RASGRP3: variants seen among roughly 807,000 people sequenced by gnomAD.
RASGRP3 encodes the protein RAS guanyl releasing protein 3.
In RASGRP3, 54 loss-of-function variants were observed where a neutral mutation model predicts 82.7. The ratio of observed to expected loss-of-function variants is 0.65; its 90% confidence interval spans 0.52 to 0.82. The LOEUF (loss-of-function observed/expected upper bound fraction) is 0.82, where lower values mean the gene tolerates loss of function less well. Ranked by LOEUF, RASGRP3 falls within the 40% of genes least tolerant of loss-of-function variation. The pLI, the probability that RASGRP3 is intolerant of heterozygous loss-of-function variation, is 0.00. For missense variants in RASGRP3, 861 were observed against 828.9 expected (o/e 1.04, Z -0.48); for synonymous variants, 309 against 300.5 (o/e 1.03, Z -0.29).
intron 1 of RASGRP3, among the ~76,000 whole-genome samples, chr2:33,502,024 T>C (rs1344585394): frequency 6.6e-6 from 1 of 152,036 alleles, no homozygotes; most frequent in Admixed American, 6.6e-5. Flanking sequence ...CAGAGCTTGA[T>C]TTGGGTGGTC....
intron 14 of RASGRP3, among the ~76,000 whole-genome samples, chr2:33,553,744 TTTATTATTATTATTTTTTC>T (rs1675603234): frequency 6.6e-6 from 1 of 152,140 alleles, no homozygotes; most frequent in Non-Finnish European, 1.5e-5. Flanking sequence ...ATTTTATTTA[TTTATTATTATTATTTTTTC>T]TTTGAGATAG....
At chr2:33,450,405 C>T (rs147867832) in intron 2 of RASGRP3, among the ~76,000 whole-genome samples, 1 of 151,684 alleles carries the variant, frequency 6.6e-6, no homozygotes, top group African/African-American at 2.4e-5. Context: ...CAGCCCCTTG[C>T]AATCCTCATT....
At chr2:33,441,876 C>G (rs1301954724) in intron 1 of RASGRP3, among the ~76,000 whole-genome samples, 2 of 152,130 alleles carry the variant, frequency 1.3e-5, no homozygotes, top group African/African-American at 4.8e-5. Flanking sequence ...AAAGACTATT[C>G]ATAACAGATA....
intron 1 of RASGRP3, among the ~76,000 whole-genome samples, chr2:33,502,028 G>A (rs921692621): frequency 6.6e-6 from 1 of 152,186 alleles, no homozygotes; most frequent in East Asian, 1.9e-4. Context: ...GCTTGATTTG[G>A]GTGGTCTGAA....
intron 2 of RASGRP3, among the ~76,000 whole-genome samples, chr2:33,512,302 C>A (rs533371692): frequency 5.9e-5 from 9 of 152,198 alleles, no homozygotes; most frequent in African/African-American, 1.4e-4. Flanking sequence ...CTTCCCCAGA[C>A]AGCTCAGCTG....
chr2:33,503,654 TCC>T (rs36046883), intron 1 of RASGRP3, among the ~76,000 whole-genome samples: 1 of 152,054 alleles, frequency 6.6e-6, no homozygotes, highest in Admixed American at 6.6e-5. Flanking sequence ...TAGCTCCAAA[TCC>T]CTGATTTCAG....
intron 4 of RASGRP3, among the ~76,000 whole-genome samples, chr2:33,518,641 T>C (rs1671684921): frequency 6.6e-6 from 1 of 152,230 alleles, no homozygotes; most frequent in Admixed American, 6.5e-5. Context: ...AAAACACAAA[T>C]ATATTGCACT....
chr2:33,517,185 A>G (rs559526106), intron 4 of RASGRP3, among the ~76,000 whole-genome samples: 2 of 152,344 alleles, frequency 1.3e-5, no homozygotes, highest in East Asian at 1.9e-4. Context: ...AATGAAAACA[A>G]AAAAATCCCA....
intron 13 of RASGRP3, among the ~76,000 whole-genome samples, chr2:33,544,987 A>G (rs1241693312): frequency 6.6e-6 from 1 of 152,202 alleles, no homozygotes; most frequent in African/African-American, 2.4e-5. Context: ...TAGAAACATT[A>G]ACTTCCTTTA....
At chr2:33,440,824 A>G (rs1665184304) in intron 1 of RASGRP3, among the ~76,000 whole-genome samples, 1 of 152,292 alleles carries the variant, frequency 6.6e-6, no homozygotes. Flanking sequence ...TATTTTACAA[A>G]AATCCCGAAT....
At chr2:33,493,743 G>C (rs1284958861) in intron 1 of RASGRP3, among the ~76,000 whole-genome samples, 1 of 151,064 alleles carries the variant, frequency 6.6e-6, no homozygotes. Context: ...TTTAGACCAA[G>C]TTCCTGAATG....
chr2:33,527,167 T>C lies in RASGRP3; in HGVS notation c.838T>C (p.Ser280Pro). The change falls in exon 10 of 18, where the codon TCC (serine) becomes CCC (proline). Residue 280 changes from serine to proline, a missense_variant. Ser to Pro is a moderately conservative substitution (Grantham distance 74). Transcript: ENST00000403687. Reference sequence around the variant, plus strand: ...GAATGAAATGACAGAGTTGGTCTCCTCCAACGGCAATTACTGCAATTACCG... The same window carrying C: ...GAATGAAATGACAGAGTTGGTCTCCCCCAACGGCAATTACTGCAATTACCG... The part of the protein sequence containing the change: ...NWNEMTELVS[S>P]NGNYCNYRKA... 1 of 1,614,054 alleles carries C rather than the reference T, an allele frequency of 6.2e-7. No individual in the cohort carries two copies. Among genetic ancestry groups the C allele is most frequent in the Non-Finnish European group, 8.5e-7 (1 of 1,179,886 alleles).
At chr2:33,553,928 G>A (rs957223517) in intron 14 of RASGRP3, among the ~76,000 whole-genome samples, 3 of 152,016 alleles carry the variant, frequency 2.0e-5, no homozygotes, top group Admixed American at 6.6e-5. Context: ...TAGTAGTGAC[G>A]GGGTTTCACC....
Position 33,563,386 on chromosome 2 carries a change from A to T in RASGRP3, c.*649A>T, listed in dbSNP as rs1676904288. 6.6e-6 allele frequency: 1 copy of T among 152,338 alleles called. No individual in the cohort carries two copies. The highest frequency in any genetic ancestry group is 1.5e-5 in the Non-Finnish European group (1 of 68,218). The allele number at this position is 152,338 out of a possible 1,614,324, so 9.4% of individuals were successfully genotyped here. A position where few individuals can be genotyped will look rare whatever the true frequency, so the allele number is the denominator to read the frequency against. On this transcript the variant is annotated 3_prime_UTR_variant, in exon 18 of 18. Transcript: ENST00000403687. ...CACTACACAGTTGCTATGATATGTA[A>T]CAAGTCACACATGTATATATCACAC...
At chr2:33,548,916 T>TG (rs1675104654) in intron 13 of RASGRP3, among the ~76,000 whole-genome samples, 2 of 152,138 alleles carry the variant, frequency 1.3e-5, no homozygotes, top group South Asian at 4.1e-4. Context: ...CTTGAACTCC[T>TG]GACCTCAAGT....
rs755098762 is a variant in RASGRP3 at position 33,558,202 on chromosome 2, AT to A, written c.1580-4del. On this transcript the variant is annotated splice_polypyrimidine_tract_variant and splice_region_variant and intron_variant, in intron 15 of 17. Coordinates refer to ENST00000403687, the MANE Select transcript of RASGRP3 (RefSeq NM_001139488.2). ...ACTAATCATCTGCGACACCCTTGGA[AT>A]TTTTCAGACTGTGGAGCCAATTGTC... The A allele has an allele frequency of 9.3e-6, 15 of 1,609,060 alleles. No homozygotes were observed. The African/African-American group carries it at 2.0e-4, about 21-fold the overall frequency.
intron 1 of RASGRP3, among the ~76,000 whole-genome samples, chr2:33,442,727 G>T (rs947402092): frequency 1.3e-5 from 2 of 152,208 alleles, no homozygotes; most frequent in African/African-American, 4.8e-5. Flanking sequence ...ATTGACAATT[G>T]GAGGAAATGA....
At chr2:33,540,305 A>T (rs1674127379) in intron 12 of RASGRP3, 1 of 146,642 alleles carries the variant, frequency 6.8e-6, no homozygotes, top group Admixed American at 7.0e-5. Flanking sequence ...AATATTAGTG[A>T]GGGAAGGGCT....
rs780024071 is a variant in RASGRP3, at chr2:33,527,125, A to G, written c.808-12A>G. The G allele has an allele frequency of 1.2e-6, 2 of 1,612,814 alleles. No individual in the cohort carries two copies. Among genetic ancestry groups the G allele is most frequent in the Admixed American group, 3.3e-5 (2 of 59,940 alleles). ...AGTTGTTTGAAAATTCTACTTTTCCATCTGTTCCCAGAACTGGAATGAAAT... is the reference window on the plus strand; with the variant it reads ...AGTTGTTTGAAAATTCTACTTTTCCGTCTGTTCCCAGAACTGGAATGAAAT... On this transcript the variant is annotated splice_polypyrimidine_tract_variant and intron_variant, in intron 9 of 17. Coordinates refer to ENST00000403687, the MANE Select transcript of RASGRP3 (RefSeq NM_001139488.2).
Sources: allele counts gnomAD v4.1 joint callset (sites outside exome capture counted in the v4.1 genomes callset), GRCh38; gene constraint gnomAD v4.1.1; transcripts MANE v1.5; gene names NCBI Gene and HGNC (gene_info 2026-07-23, HGNC 2026-07-21).